The following RAB3GAP1 variants were observed in gnomAD, a reference collection of about 807,000 sequenced individuals.
The protein encoded by RAB3GAP1 is rab3 GTPase-activating protein catalytic subunit.
In RAB3GAP1, 86 loss-of-function variants were observed where a neutral mutation model predicts 130.7. The observed-to-expected ratio is 0.66, with a 90% CI of 0.55 to 0.79. RAB3GAP1 has a LOEUF of 0.79. RAB3GAP1 is among the 30% of genes least tolerant of loss of function. The pLI, the probability that RAB3GAP1 is intolerant of heterozygous loss-of-function variation, is 0.00. For missense variants in RAB3GAP1, 1,029 were observed against 1,169.4 expected, an observed-to-expected ratio of 0.88 and a Z score of 1.75; for synonymous variants, 367 against 401.7, an observed-to-expected ratio of 0.91 and a Z score of 1.03.
In RAB3GAP1 at chr2:135,162,648, G is replaced by T; in HGVS notation, c.2383G>T (p.Glu795Ter). The T allele has an allele frequency of 6.2e-7, 1 of 1,613,348 alleles. No homozygotes were observed. The highest frequency in any genetic ancestry group is 1.1e-5 in the South Asian group (1 of 91,076). ...TGCAGCTGTACTCAAGGTAAAGGAA[G>T]AAGGTAAATGTCATATTTAACTAGT... is the stretch of plus-strand genomic sequence containing the variant. ...IHAAVLKVKE[E>*]ESLENISSVK... Residue 795 changes from glutamate (E) to a stop codon, truncating the protein, a stop_gained, in exon 20 of 24, where the codon GAA becomes TAA. Transcript: ENST00000264158. LOFTEE classifies it high-confidence loss of function.
Position 135,123,074 on chromosome 2 carries a change from T to C in RAB3GAP1, c.749-1091T>C, listed in dbSNP as rs369996716. 5.3e-5 allele frequency among the ~76,000 whole-genome samples: 8 copies of C among 152,158 alleles called. No individual in the cohort carries two copies. In the East Asian group the frequency reaches 1.2e-3, roughly 22 times the overall value. On this transcript the variant is annotated intron_variant, in intron 8 of 23. Coordinates refer to ENST00000264158, the MANE Select transcript of RAB3GAP1 (RefSeq NM_012233.3). ...TTAGAGATGTAAGTTTCTTAACCCA[T>C]GTAACTGGCTTAAAGTCATATGGTC...
intron 7 of RAB3GAP1, among the ~76,000 whole-genome samples, chr2:135,118,875 C>T (rs1214689750): frequency 6.6e-6 from 1 of 150,758 alleles, no homozygotes; most frequent in Admixed American, 6.6e-5. Context: ...TTGTGCCAAG[C>T]AGGAGTGACA....
intron 5 of RAB3GAP1, among the ~76,000 whole-genome samples, chr2:135,100,562 G>GC: frequency 6.6e-6 from 1 of 152,288 alleles, no homozygotes; most frequent in South Asian, 2.1e-4. Flanking sequence ...ATGTTAGTTT[G>GC]CCGTATGGTT....
chr2:135,069,909 A>G (rs193036119), intron 3 of RAB3GAP1, among the ~76,000 whole-genome samples: 176 of 152,316 alleles, frequency 1.2e-3, no homozygotes, highest in Non-Finnish European at 1.2e-3. Context: ...TTATCTGAGG[A>G]ATGGGAGCTT....
At chr2:135,059,996 T>A (rs1371018236) in intron 3 of RAB3GAP1, among the ~76,000 whole-genome samples, 1 of 152,168 alleles carries the variant, frequency 6.6e-6, no homozygotes, top group Non-Finnish European at 1.5e-5. Context: ...GATTATTAAT[T>A]TTCTCCTCCA....
At position 135,163,098 on chromosome 2, in the gene RAB3GAP1, A is replaced by G; in HGVS notation, c.2603A>G (p.Glu868Gly). 6.2e-7 allele frequency: 1 copy of G among 1,609,012 alleles called. No homozygotes were observed. The highest frequency in any genetic ancestry group is 8.5e-7 in the Non-Finnish European group (1 of 1,175,312). ...CAGGAGGAGGAAAAGGAAGATCTTG[A>G]AAGGTAATTGCTATTTGGCTAATTC... ...CEQEEEKEDLERFVSCLLEQP... is the reference protein window; with the variant it reads ...CEQEEEKEDLGRFVSCLLEQP... The change falls in exon 22 of 24, where the codon GAA (glutamate) becomes GGA (glycine). Residue 868 changes from glutamate (E) to glycine (G), a missense_variant. Physicochemically the swap from Glu to Gly is moderately conservative, Grantham distance 98. Around this residue, in one of 3 missense-constraint regions of RAB3GAP1, gnomAD observed 146 missense variants for 143.7 expected, o/e 1.02. Coordinates refer to ENST00000264158, the MANE Select transcript of RAB3GAP1 (RefSeq NM_012233.3).
chr2:135,174,219 C>G (rs1049692284), downstream of RAB3GAP1, among the ~76,000 whole-genome samples: 3 of 152,228 alleles, frequency 2.0e-5, no homozygotes, highest in African/African-American at 7.2e-5. Flanking sequence ...AAGGATGCAG[C>G]TGAACCAGAA....
chr2:135,133,440 T>C (rs1691600574), intron 14 of RAB3GAP1, among the ~76,000 whole-genome samples: 1 of 151,874 alleles, frequency 6.6e-6, no homozygotes, highest in African/African-American at 2.4e-5. Flanking sequence ...ACCTTTACAG[T>C]AGTTATTGTT....
chr2:135,082,056 C>T (rs1424680918), intron 3 of RAB3GAP1, among the ~76,000 whole-genome samples: 6 of 151,812 alleles, frequency 4.0e-5, no homozygotes, highest in Admixed American at 1.3e-4. Context: ...GTGGGAGAAC[C>T]GCTTGAACCC....
At chr2:135,053,744 T>G (rs553187425) in intron 2 of RAB3GAP1, among the ~76,000 whole-genome samples, 1 of 152,042 alleles carries the variant, frequency 6.6e-6, no homozygotes, top group South Asian at 2.1e-4. Context: ...AGCAGAAACT[T>G]GACCCATATA....
chr2:135,118,136 C>T (rs989330326), intron 7 of RAB3GAP1, among the ~76,000 whole-genome samples: 3 of 152,156 alleles, frequency 2.0e-5, no homozygotes, highest in South Asian at 2.1e-4. Context: ...TGAGCCACCG[C>T]GCTGGGCCTT....
chr2:135,085,067 A>AT (rs1418667577), intron 3 of RAB3GAP1, among the ~76,000 whole-genome samples: 2 of 152,210 alleles, frequency 1.3e-5, no homozygotes, highest in African/African-American at 4.8e-5. Context: ...GTTGTTAGGC[A>AT]TAATTGTAAT....
chr2:135,171,445 G>A (rs191877806), downstream of RAB3GAP1, among the ~76,000 whole-genome samples: 9 of 152,200 alleles, frequency 5.9e-5, no homozygotes, highest in Non-Finnish European at 1.0e-4. Context: ...AAGAAAGGTG[G>A]CAATTACAAC....
chr2:135,115,389 G>A lies in RAB3GAP1; in HGVS notation c.648+8G>A. The A allele has an allele frequency of 6.2e-7, 1 of 1,606,108 alleles. No individual in the cohort carries two copies. The highest frequency in any genetic ancestry group is 8.5e-7 in the Non-Finnish European group (1 of 1,173,352). On this transcript the variant is annotated splice_region_variant and intron_variant, in intron 7 of 23. Coordinates refer to ENST00000264158, the MANE Select transcript of RAB3GAP1 (RefSeq NM_012233.3). Reference sequence around the variant, plus strand: ...ATCTTCAAATCAAAGATTGTGAGTTGGGATTGATATTGTCAGTCTTATCTG... The same window carrying A: ...ATCTTCAAATCAAAGATTGTGAGTTAGGATTGATATTGTCAGTCTTATCTG...
intron 19 of RAB3GAP1, among the ~76,000 whole-genome samples, chr2:135,159,892 T>C (rs943006801): frequency 3.3e-5 from 5 of 152,228 alleles, no homozygotes; most frequent in Non-Finnish European, 7.3e-5. Context: ...AACAATGGGC[T>C]GCATGTTGCG....
chr2:135,061,296 TA>T (rs1180212330), intron 3 of RAB3GAP1, among the ~76,000 whole-genome samples: 24 of 152,290 alleles, frequency 1.6e-4, no homozygotes, highest in African/African-American at 5.8e-4. Flanking sequence ...TTCTCTTGAG[TA>T]AATACCTAGG....
In RAB3GAP1 at chr2:135,146,971, AACACAC is replaced by A. The variant is rs34094441; in HGVS notation, c.1924-3375_1924-3370del. 2.5e-4 allele frequency among the ~76,000 whole-genome samples: 37 copies of A among 147,530 alleles called. 3 individuals are homozygous for A. The highest frequency in any genetic ancestry group is 1.5e-3 in the South Asian group (7 of 4,648). ...TATGTGATTATTTCAAGGGGGTATA[AACACAC>A]ACACACACACACACACACACACGAA... On this transcript the variant is annotated intron_variant, in intron 17 of 23. Transcript: ENST00000264158.
At chr2:135,117,546 TCTTCTTCTTCTGCTTCTTCTTCTG>T (rs1427113050) in intron 7 of RAB3GAP1, among the ~76,000 whole-genome samples, 17 of 103,898 alleles carry the variant, frequency 1.6e-4, no homozygotes, top group Non-Finnish European at 2.6e-4. Context: ...TTCTTCTGCT[TCTTCTTCTTCTGCTTCTTCTTCTG>T]CTTCTTCTTC....
At position 135,126,673 on chromosome 2, in the gene RAB3GAP1, T is replaced by C. The variant is rs1392773723; in HGVS notation, c.973+17T>C. The stretch of plus-strand genomic sequence containing the variant: ...GTTTGCTAGGTAAGGTATATTATGC[T>C]CCTTTCCTGAAATACTGCTGATCTG... On this transcript the variant is annotated intron_variant, in intron 11 of 23. Coordinates refer to ENST00000264158, the MANE Select transcript of RAB3GAP1 (RefSeq NM_012233.3). The C allele has an allele frequency of 6.3e-7, 1 of 1,586,664 alleles. No individual in the cohort carries two copies. The highest frequency in any genetic ancestry group is 1.7e-5 in the Admixed American group (1 of 59,978).
Sources: allele counts gnomAD v4.1 joint callset (sites outside exome capture counted in the v4.1 genomes callset), GRCh38; gene constraint gnomAD v4.1.1; regional missense constraint gnomAD v4.1.1; transcripts MANE v1.5; gene names NCBI Gene and HGNC (gene_info 2026-07-23, HGNC 2026-07-21).